The following SLC12A5 variants were observed in gnomAD, a reference collection of about 807,000 sequenced individuals.
SLC12A5 encodes solute carrier family 12 member 5.
In SLC12A5, 18 loss-of-function variants were observed where a neutral mutation model predicts 124.0. The observed-to-expected ratio is 0.15, with a 90% CI of 0.10 to 0.22. The LOEUF is 0.22. SLC12A5 is among the 10% of genes least tolerant of loss of function. The pLI, the probability that SLC12A5 is intolerant of heterozygous loss-of-function variation, is 1.00. For missense variants in SLC12A5, 867 were observed against 1,478.7 expected (o/e 0.59, Z 6.78); for synonymous variants, 589 against 568.0 (o/e 1.04, Z -0.53).
Position 46,043,565 on chromosome 20 carries a change from C to T in SLC12A5, c.1238-68C>T, listed in dbSNP as rs2084567285. The T allele has an allele frequency of 4.0e-6, 6 of 1,517,124 alleles. 1 individual carries two copies. The Admixed American group carries it at 8.4e-5, about 21-fold the overall frequency. The allele number at this position is 1,517,124 out of a possible 1,614,324, so 94.0% of individuals were successfully genotyped here. A position where few individuals can be genotyped will look rare whatever the true frequency, so the allele number is the denominator to read the frequency against. ...GACTCACTGACCCTGAGGGTGGTGCCCTTTTTTCTCATCTGTCTGGTCTCC... is the reference window on the plus strand; with the variant it reads ...GACTCACTGACCCTGAGGGTGGTGCTCTTTTTTCTCATCTGTCTGGTCTCC... On this transcript the variant is annotated intron_variant, in intron 9 of 25. Coordinates refer to ENST00000243964, the MANE Select transcript of SLC12A5 (RefSeq NM_020708.5).
rs756873079 is a variant in SLC12A5 at position 46,035,784 on chromosome 20, G to A, written c.287G>A (p.Arg96His). The change falls in exon 4 of 26, where the codon CGC becomes CAC. Residue 96 changes from arginine to histidine, a missense_variant. Physicochemically the swap from Arg to His is conservative, Grantham distance 29. Around this residue, in one of 9 missense-constraint regions of SLC12A5, gnomAD observed 126 missense variants for 291.6 expected, o/e 0.43. Transcript: ENST00000243964. ...TGCTGGCCTCCCTGGCAGGCCCCACGCATGGGCACCTTCATGGGCGTGTAC... is the reference window on the plus strand; with the variant it reads ...TGCTGGCCTCCCTGGCAGGCCCCACACATGGGCACCTTCATGGGCGTGTAC... ...GGKKKPVQAPRMGTFMGVYLP... is the reference protein window; with the variant it reads ...GGKKKPVQAPHMGTFMGVYLP... 3.5e-5 allele frequency: 56 copies of A among 1,612,186 alleles called. No homozygotes were observed. Among genetic ancestry groups the A allele is most frequent in the Admixed American group, 1.5e-4 (9 of 59,924 alleles).
At chr20:46,021,801 C>T (rs369492755), upstream of SLC12A5, 19 of 1,532,660 alleles carry the variant, frequency 1.2e-5, no homozygotes, top group Non-Finnish European at 1.5e-5. Flanking sequence ...CGCTGCCCCC[C>T]GCAGGGCCCG....
chr20:46,053,041 T>C lies in SLC12A5; in HGVS notation c.2462T>C (p.Phe821Ser). The C allele has an allele frequency of 6.2e-7, 1 of 1,614,124 alleles. No individual in the cohort carries two copies. Among genetic ancestry groups the C allele is most frequent in the Non-Finnish European group, 8.5e-7 (1 of 1,179,980 alleles). Residue 821 changes from phenylalanine (F) to serine (S), a missense_variant, in exon 19 of 26, where the codon TTC (phenylalanine) becomes TCC (serine). Coordinates refer to ENST00000243964, the MANE Select transcript of SLC12A5 (RefSeq NM_020708.5). This position sits in a 1 kb window ranked among gnomAD's most constrained non-coding sequence, Gnocchi z 4.7. Reference protein sequence around the residue: ...VSMFPGNPERFSEGSIDVWWI... With the variant: ...VSMFPGNPERSSEGSIDVWWI... ...ATGTTTCCTGGGAACCCTGAGCGCT[T>C]CTCTGAGGGCAGCATCGACGTTTGG...
At position 46,035,878 on chromosome 20, in the gene SLC12A5, A is replaced by C; in HGVS notation, c.381A>C (p.Ala127=). The C allele has an allele frequency of 6.2e-7, 1 of 1,614,090 alleles. No homozygotes were observed. ...FLRLTWVVGI[A]GIMESFCMVF... is the part of the protein sequence containing the mutation. ...GGCTCACCTGGGTGGTGGGCATTGCAGGCATCATGGAGTCCTTCTGCATGG... is the reference window on the plus strand; with the variant it reads ...GGCTCACCTGGGTGGTGGGCATTGCCGGCATCATGGAGTCCTTCTGCATGG... Residue 127 remains alanine (A), a synonymous_variant, in exon 4 of 26, where the codon GCA becomes GCC. Coordinates refer to ENST00000243964, the MANE Select transcript of SLC12A5 (RefSeq NM_020708.5).
Position 46,046,010 on chromosome 20 carries a change from T to C in SLC12A5, c.1688+14T>C. The C allele has an allele frequency of 6.2e-7, 1 of 1,607,780 alleles. No individual in the cohort carries two copies. Among genetic ancestry groups the C allele is most frequent in the African/African-American group, 1.3e-5 (1 of 74,916 alleles). On this transcript the variant is annotated intron_variant, in intron 13 of 25. Coordinates refer to ENST00000243964, the MANE Select transcript of SLC12A5 (RefSeq NM_020708.5). ...CATCCTCTCTATGTGCGTGCCTGAC[T>C]TCTTGCCCTCCCCCCTGGTTCAGGG...
chr20:46,055,150 A>T, intron 21 of SLC12A5, 127 bp downstream of exon 21: 1 of 686,900 alleles, frequency 1.5e-6, no homozygotes, highest in Non-Finnish European at 2.6e-6. Context: ...GATTCCCCCA[A>T]CCACACCTCC....
intron 9 of SLC12A5, 68 bp downstream of exon 9, chr20:46,043,391 T>C (rs1341376378): frequency 2.6e-6 from 4 of 1,554,778 alleles, no homozygotes; most frequent in Non-Finnish European, 3.5e-6. Flanking sequence ...TCGATGATGA[T>C]GTTGGGAATT....
At position 46,056,077 on chromosome 20, in the gene SLC12A5, CTG is replaced by C. The variant is rs1311301487; in HGVS notation, c.2788-72_2788-71del. On this transcript the variant is annotated intron_variant, in intron 21 of 25. Transcript: ENST00000243964. The surrounding 1 kb of genome is among the most constrained non-coding windows in gnomAD (Gnocchi z 4.3). ...AGTGCATCCTGGCTGAACATCATCT[CTG>C]GTGATAGCTCTTTGCAGGGCATGGG... is the stretch of plus-strand genomic sequence containing the variant. 6.3e-7 allele frequency: 1 copy of C among 1,586,776 alleles called. No homozygotes were observed. The highest frequency in any genetic ancestry group is 8.6e-7 in the Non-Finnish European group (1 of 1,165,832).
At chr20:46,037,432 G>A in intron 6 of SLC12A5, 47 bp downstream of exon 6, 6 of 1,568,670 alleles carry the variant, frequency 3.8e-6, no homozygotes, top group Non-Finnish European at 5.2e-6. Flanking sequence ...TTGTCAGTCA[G>A]TTAATCAGTG....
rs768892197 is a variant in SLC12A5 at position 46,046,322 on chromosome 20, C to G, written c.1689-16C>G. ...CTTTGCATCTCTGTCTCCCCTGGGG[C>G]CTTCCTGTGTTCCAGGTTCTTCCTG... On this transcript the variant is annotated splice_polypyrimidine_tract_variant and intron_variant, in intron 13 of 25. Transcript: ENST00000243964. The G allele has an allele frequency of 1.2e-6, 2 of 1,610,846 alleles. No homozygotes were observed. The highest frequency in any genetic ancestry group is 2.2e-5 in the South Asian group (2 of 90,986).
chr20:46,023,717 TC>T, downstream of SLC12A5: 1 of 309,916 alleles, frequency 3.2e-6, no homozygotes, highest in Non-Finnish European at 5.9e-6. Context: ...CTTTTCAGTT[TC>T]CTCTTCGGCC....
chr20:46,036,934 A>T, intron 5 of SLC12A5, 139 bp downstream of exon 5: 1 of 1,146,598 alleles, frequency 8.7e-7, no homozygotes, highest in East Asian at 2.5e-5. Context: ...TTTCAGCCCT[A>T]TTGGGGGCAG....
Position 46,048,062 on chromosome 20 carries a change from G to A in SLC12A5, c.1989G>A (p.Gly663=), listed in dbSNP as rs373648545. ...ATGCCCTCTTACGCCTGGAGGAAGG[G>A]CCCCCACACACCAAGAACTGGAGGT... ...ARYALLRLEE[G]PPHTKNWRPQ... is the part of the protein sequence containing the mutation. Residue 663 remains glycine (G), a synonymous_variant, in exon 16 of 26, where the codon GGG becomes GGA. Transcript: ENST00000243964. 5 of 1,612,462 alleles carry A rather than the reference G, an allele frequency of 3.1e-6. No homozygotes were observed. Among genetic ancestry groups the A allele is most frequent in the Non-Finnish European group, 4.2e-6 (5 of 1,179,250 alleles).
chr20:46,032,929 C>A (rs547906457), intron 1 of SLC12A5, among the ~76,000 whole-genome samples: 1 of 152,300 alleles, frequency 6.6e-6, no homozygotes, highest in African/African-American at 2.4e-5. Context: ...TTTTCCTGAG[C>A]ACCTATTATG....
At chr20:46,047,956 A>G (rs2084610962) in intron 15 of SLC12A5, 25 bp from the exon 16 acceptor site, 4 of 1,587,020 alleles carry the variant, frequency 2.5e-6, no homozygotes, top group Non-Finnish European at 3.4e-6. Context: ...TTCTGCTCTC[A>G]TGTGATCCAC....
intron 6 of SLC12A5, 50 bp from the exon 7 acceptor site, chr20:46,040,323 G>T: frequency 6.2e-7 from 1 of 1,604,582 alleles, no homozygotes. Flanking sequence ...TGCATGTAGT[G>T]CAAAGGGCTG....
rs972663361 is a variant in SLC12A5, at chr20:46,047,444, C to T, written c.1788-10C>T. On this transcript the variant is annotated splice_polypyrimidine_tract_variant and intron_variant, in intron 14 of 25. Transcript: ENST00000243964. ...GGGGCTCAGAGGCTGGGTCTCCCCA[C>T]CTTGTCTAGGACCCTCTCCTTCCTG... is the stretch of plus-strand genomic sequence containing the variant. The T allele has an allele frequency of 6.2e-7, 1 of 1,612,838 alleles. No individual in the cohort carries two copies. Among genetic ancestry groups the T allele is most frequent in the African/African-American group, 1.3e-5 (1 of 75,034 alleles).
chr20:46,056,135 T>C lies in SLC12A5; in HGVS notation c.2788-15T>C. 1 of 1,613,794 alleles carries C rather than the reference T, an allele frequency of 6.2e-7. No individual in the cohort carries two copies. ...ACTCCCAGCAGAGCTGGCACCAACC[T>C]ATGTCACTCCCTAGATCCAGAGTAT... is the stretch of plus-strand genomic sequence containing the variant. On this transcript the variant is annotated splice_polypyrimidine_tract_variant and intron_variant, in intron 21 of 25. Coordinates refer to ENST00000243964, the MANE Select transcript of SLC12A5 (RefSeq NM_020708.5). The surrounding 1 kb of genome is among the most constrained non-coding windows in gnomAD (Gnocchi z 4.3).
At chr20:46,023,041 C>A in exon 2 of SLC12A5, 4 of 400,502 alleles carry the variant, frequency 1.0e-5, no homozygotes, top group Non-Finnish European at 1.7e-5. Context: ...GAAGCCTCCC[C>A]AGACCGCCAG....
Sources: allele counts gnomAD v4.1 joint callset (sites outside exome capture counted in the v4.1 genomes callset), GRCh38; gene constraint gnomAD v4.1.1; regional missense constraint gnomAD v4.1.1; non-coding constraint Gnocchi (gnomAD v3.1); transcripts MANE v1.5; gene names NCBI Gene and HGNC (gene_info 2026-07-23, HGNC 2026-07-21).